CHTF18: variants seen among roughly 807,000 people sequenced by gnomAD.
The protein encoded by CHTF18 is chromosome transmission fidelity factor 18, also known as chromosome transmission fidelity protein 18 homolog.
Under a neutral mutation model 113.4 loss-of-function variants are expected in CHTF18, and 151 were observed. The observed-to-expected ratio is 1.33, with a 90% CI of 1.17 to 1.52. CHTF18 has a LOEUF of 1.52. Among genes scored for constraint, CHTF18 ranks in the 40% most tolerant of loss-of-function variants. The pLI is 0.00. For synonymous variants in CHTF18, 916 were observed against 598.8 expected (o/e 1.53, Z -7.74); for missense variants, 1,982 against 1,381.6 (o/e 1.43, Z -6.89).
intron 6 of CHTF18, 32 bp downstream of exon 6, chr16:790,431 C>T: frequency 6.2e-6 from 10 of 1,611,912 alleles, no homozygotes; most frequent in Non-Finnish European, 8.5e-6. Flanking sequence ...CCCTGGGGAC[C>T]CTTGTTGGCT....
intron 4 of CHTF18, 94 bp from the exon 5 acceptor site, chr16:790,083 T>G (rs773994770): frequency 1.2e-4 from 190 of 1,538,158 alleles, no homozygotes; most frequent in Non-Finnish European, 1.6e-4. Context: ...CTTACTGGGG[T>G]TGTCCCACCC....
At chr16:796,127 G>C (rs1322024229) in intron 18 of CHTF18, 50 bp downstream of exon 18, 1 of 1,565,016 alleles carries the variant, frequency 6.4e-7, no homozygotes, top group African/African-American at 1.4e-5. Flanking sequence ...CTCCCCGGCT[G>C]TGCTCCATGT....
chr16:789,983 G>T lies in CHTF18; in HGVS notation c.607-194G>T. 4 of 1,535,180 alleles carry T rather than the reference G, an allele frequency of 2.6e-6. No homozygotes were observed. The African/African-American group carries it at 5.5e-5, about 21-fold the overall frequency. On this transcript the variant is annotated intron_variant, in intron 4 of 21. Coordinates refer to ENST00000262315, the MANE Select transcript of CHTF18 (RefSeq NM_022092.3). The stretch of plus-strand genomic sequence containing the variant: ...TTGCCCTTTCCTCCTTTCTCCTAAA[G>T]CTGCCCCCAATTTCCCTTTGCAGCT...
intron 7 of CHTF18, 175 bp from the exon 8 acceptor site, chr16:790,986 G>C (rs1783897266): frequency 2.1e-6 from 3 of 1,451,222 alleles, no homozygotes; most frequent in Admixed American, 2.5e-5. Context: ...CCAGAGCCGT[G>C]GGGGTGGAGC....
rs56396829 is a variant in CHTF18 at position 796,084 on chromosome 16, C to T, written c.2456+7C>T. ...ACATCTACAGGCTGGAGCCGTGAGT[C>T]CCCCAGTGCCTGGGGTGTGCTCCAG... On this transcript the variant is annotated splice_region_variant and intron_variant, in intron 18 of 21. Transcript: ENST00000262315. 7.6e-3 allele frequency: 12,090 copies of T among 1,597,102 alleles called. 92 individuals carry two copies. The highest frequency in any genetic ancestry group is 0.028 in the Middle Eastern group (169 of 5,974).
Position 794,324 on chromosome 16 carries a change from G to C in CHTF18, c.1950+123G>C, listed in dbSNP as rs571140976. 9.6e-5 allele frequency: 114 copies of C among 1,190,956 alleles called. No individual in the cohort carries two copies. In the South Asian group the frequency reaches 1.7e-3, roughly 17 times the overall value. 73.8% of individuals were successfully genotyped at this position (1,190,956 alleles called of 1,614,324 possible). A position where few individuals can be genotyped will look rare whatever the true frequency, so the allele number is the denominator to read the frequency against. On this transcript the variant is annotated intron_variant, in intron 15 of 21. Transcript: ENST00000262315. ...GCTTTGGGGGTGCTGAGAGAGGCAG[G>C]TTCGGGAAATGGGGTGCCAGGAAGT...
chr16:792,584 A>T lies in CHTF18; in HGVS notation c.1472A>T (p.Asn491Ile). 6.3e-7 allele frequency: 1 copy of T among 1,595,560 alleles called. No homozygotes were observed. Among genetic ancestry groups the T allele is most frequent in the South Asian group, 1.1e-5 (1 of 89,146 alleles). ...ATGAGGCCCATTATCTGCATTTGCA[A>T]TGACCAGTGAGTGCATGGGCGGGCG... ...LLMRPIICICNDQFAPSLRQL... is the reference protein window; with the variant it reads ...LLMRPIICICIDQFAPSLRQL... Residue 491 changes from asparagine (N) to isoleucine (I), a missense_variant, in exon 11 of 22, where the codon AAT (asparagine) becomes ATT (isoleucine). Physicochemically the swap from Asn to Ile is moderately radical, Grantham distance 149. Coordinates refer to ENST00000262315, the MANE Select transcript of CHTF18 (RefSeq NM_022092.3).
In CHTF18 at chr16:797,704, ACTT is replaced by A; in HGVS notation, c.2748_2750del (p.Phe917del). 1 of 1,600,962 alleles carries A rather than the reference ACTT, an allele frequency of 6.2e-7. No homozygotes were observed. The highest frequency in any genetic ancestry group is 1.4e-5 in the African/African-American group (1 of 71,082). On this transcript the variant is annotated inframe_deletion, in exon 21 of 22. Coordinates refer to ENST00000262315, the MANE Select transcript of CHTF18 (RefSeq NM_022092.3). ...CCTTCCTCCCATCAGCCTGAGAAGGACTTCTTTGGACGTGTGGTCGTCAGGAGC... is the reference window on the plus strand; with the variant it reads ...CCTTCCTCCCATCAGCCTGAGAAGGACTTTGGACGTGTGGTCGTCAGGAGC...
At position 791,756 on chromosome 16, in the gene CHTF18, C is replaced by T. The variant is rs549256562; in HGVS notation, c.1105-95C>T. ...GCTGGAGTGGGGTGGAGGGAGCGCC[C>T]AGCCTGTGGGACACATGTGGCAGTC... On this transcript the variant is annotated intron_variant, in intron 8 of 21. Coordinates refer to ENST00000262315, the MANE Select transcript of CHTF18 (RefSeq NM_022092.3). 1.3e-5 allele frequency: 20 copies of T among 1,489,502 alleles called. No individual in the cohort carries two copies. In the South Asian group the frequency reaches 1.4e-4, roughly 11 times the overall value. 92.3% of individuals were successfully genotyped at this position (1,489,502 alleles called of 1,614,324 possible).
intron 18 of CHTF18, 46 bp from the exon 19 acceptor site, chr16:796,671 A>C: frequency 6.5e-7 from 1 of 1,531,658 alleles, no homozygotes; most frequent in East Asian, 2.3e-5. Context: ...TCTGGCCCTG[A>C]GCCTGGCCCC....
Position 789,125 on chromosome 16 carries a change from G to A in CHTF18, c.286G>A (p.Ala96Thr), listed in dbSNP as rs1192848293. The change falls in exon 2 of 22, where the codon GCC becomes ACC. Residue 96 changes from alanine (A) to threonine (T), a missense_variant and splice_region_variant. Ala to Thr is a moderately conservative substitution (Grantham distance 58). Transcript: ENST00000262315. ...DLQPAGSLPH[A>T]PRIKRPRLQV... ...GCAGCCGGCCGGGTCCCTGCCCCAC[G>A]GTAGGTTGGCGGCATTGCCCCAGGG... is the stretch of plus-strand genomic sequence containing the variant. 1.3e-6 allele frequency: 2 copies of A among 1,543,280 alleles called. No individual in the cohort carries two copies. Among genetic ancestry groups the A allele is most frequent in the Non-Finnish European group, 1.7e-6 (2 of 1,143,598 alleles).
rs747905938 is a variant in CHTF18 at position 792,598 on chromosome 16, C to A, written c.1478+8C>A. 1 of 1,594,364 alleles carries A rather than the reference C, an allele frequency of 6.3e-7. No individual in the cohort carries two copies. The highest frequency in any genetic ancestry group is 1.8e-5 in the Admixed American group (1 of 56,598). ...CTGCATTTGCAATGACCAGTGAGTG[C>A]ATGGGCGGGCGCCACAGTCAGGAGA... On this transcript the variant is annotated splice_region_variant and intron_variant, in intron 11 of 21. Coordinates refer to ENST00000262315, the MANE Select transcript of CHTF18 (RefSeq NM_022092.3).
At chr16:793,936 G>A in intron 14 of CHTF18, 118 bp from the exon 15 acceptor site, 1 of 1,200,288 alleles carries the variant, frequency 8.3e-7, no homozygotes, top group Non-Finnish European at 1.2e-6. Flanking sequence ...CAAGGGCCCT[G>A]CTGAGAAGAA....
intron 14 of CHTF18, chr16:793,589 G>A: frequency 1.9e-6 from 1 of 540,506 alleles, no homozygotes; most frequent in Non-Finnish European, 3.4e-6. Context: ...CCTCATTTTT[G>A]CCACATTTGG....
rs540916853 is a variant in CHTF18 at position 789,599 on chromosome 16, C to T, written c.490C>T (p.Arg164Cys). Reference protein sequence around the residue: ...VGLTRASPAARNPVLRRPPIL... With the variant: ...VGLTRASPAACNPVLRRPPIL... ...TCTCACACGGGCCTCACCAGCTGCC[C>T]GCAATCCCGTCCTGAGGCGGCCCCC... Residue 164 changes from arginine (R) to cysteine (C), a missense_variant, in exon 4 of 22, where the codon CGC becomes TGC. By Grantham distance (180) the Arg-to-Cys change is radical. Transcript: ENST00000262315. 1.1e-4 allele frequency: 173 copies of T among 1,609,540 alleles called. 4 individuals carry two copies. In the South Asian group the frequency reaches 1.6e-3, roughly 15 times the overall value.
At chr16:793,763 G>A (rs2042264686) in intron 14 of CHTF18, 2 of 668,740 alleles carry the variant, frequency 3.0e-6, no homozygotes, top group African/African-American at 3.5e-5. Context: ...TGTGGGATGT[G>A]CTGCTCCTGG....
chr16:789,569 G>GA lies in CHTF18; in HGVS notation c.460_461insA (p.Val154AspfsTer42). On this transcript the variant is annotated frameshift_variant, in exon 4 of 22. Transcript: ENST00000262315. LOFTEE classifies it high-confidence loss of function. ...CAGAGTCTCAGAAGCTGCTGCCGAC[G>GA]TGGGTCTCACACGGGCCTCACCAGC... 6.2e-7 allele frequency: 1 copy of GA among 1,604,172 alleles called. No homozygotes were observed. Among genetic ancestry groups the GA allele is most frequent in the Admixed American group, 1.7e-5 (1 of 59,152 alleles).
At position 791,937 on chromosome 16, in the gene CHTF18, G is replaced by A. The variant is rs2042208720; in HGVS notation, c.1191G>A (p.Glu397=). The change falls in exon 9 of 22, where the codon GAG becomes GAA. Residue 397 remains glutamate (E), a synonymous_variant. Coordinates refer to ENST00000262315, the MANE Select transcript of CHTF18 (RefSeq NM_022092.3). ...IARHAGYSVV[E]MNASDDRSPE... is the part of the protein sequence containing the mutation. ...GTCACGCGGGGTACTCTGTGGTGGA[G>A]ATGAACGCCAGGTGAGTGATGTGAG... 2 of 1,608,436 alleles carry A rather than the reference G, an allele frequency of 1.2e-6. No individual in the cohort carries two copies. The highest frequency in any genetic ancestry group is 1.3e-5 in the African/African-American group (1 of 74,900).
rs1028253339 is a variant in CHTF18, at chr16:796,956, T to A, written c.2602-5T>A. The A allele has an allele frequency of 9.2e-6, 14 of 1,527,194 alleles. No homozygotes were observed. In the South Asian group the frequency reaches 1.5e-4, roughly 17 times the overall value. The allele number at this position is 1,527,194 out of a possible 1,614,324, so 94.6% of individuals were successfully genotyped here. ...GCCAGATCTCACAATGCCTGCTCCCTACAGGTGGATGGGAGCCCCCCAGGG... is the reference window on the plus strand; with the variant it reads ...GCCAGATCTCACAATGCCTGCTCCCAACAGGTGGATGGGAGCCCCCCAGGG... On this transcript the variant is annotated splice_polypyrimidine_tract_variant and splice_region_variant and intron_variant, in intron 19 of 21. Coordinates refer to ENST00000262315, the MANE Select transcript of CHTF18 (RefSeq NM_022092.3).
Sources: allele counts gnomAD v4.1 joint callset, GRCh38; gene constraint gnomAD v4.1.1; transcripts MANE v1.5; gene names NCBI Gene and HGNC (gene_info 2026-07-23, HGNC 2026-07-21).